The following FOXF2 variants were observed in gnomAD, a reference collection of about 807,000 sequenced individuals.
FOXF2 encodes forkhead box protein F2.
A neutral mutation model predicts 29.1 loss-of-function variants in FOXF2; 15 were observed. The observed-to-expected ratio is 0.52, with a 90% CI of 0.35 to 0.79. The LOEUF (loss-of-function observed/expected upper bound fraction) is 0.79. FOXF2 is among the 30% of genes least tolerant of loss of function. The pLI, the probability that FOXF2 is intolerant of heterozygous loss-of-function variation, is 0.01. For synonymous variants in FOXF2, 337 were observed against 316.5 expected (o/e 1.06, Z -0.69); for missense variants, 675 against 667.1 (o/e 1.01, Z -0.13).
chr6:1,390,150 C>G lies in FOXF2; in HGVS notation c.203C>G (p.Ala68Gly), dbSNP rs374633411. 4 of 1,456,872 alleles carry G rather than the reference C, an allele frequency of 2.7e-6. No homozygotes were observed. Among genetic ancestry groups the G allele is most frequent in the African/African-American group, 3.0e-5 (2 of 67,430 alleles). 90.2% of individuals were successfully genotyped at this position (1,456,872 alleles called of 1,614,324 possible). Reference sequence around the variant, plus strand: ...TCGTCCTCCTCCAATTCGGCCAGCGCCCCCTCGGCTGCCTGCAAGAGCGCG... The same window carrying G: ...TCGTCCTCCTCCAATTCGGCCAGCGGCCCCTCGGCTGCCTGCAAGAGCGCG... ...SSSSSSNSAS[A>G]PSAACKSAGG... The change falls in exon 1 of 2, where the codon GCC becomes GGC. Residue 68 changes from alanine to glycine, a missense_variant. Physicochemically the swap from Ala to Gly is moderately conservative, Grantham distance 60 (BLOSUM62 0). Coordinates refer to ENST00000645481, the MANE Select transcript of FOXF2 (RefSeq NM_001452.2). This position sits in a 1 kb window ranked among gnomAD's most constrained non-coding sequence, Gnocchi z 8.5.
At chr6:1,394,604 G>C in intron 1 of FOXF2, 92 bp from the exon 2 acceptor site, 1 of 1,236,682 alleles carries the variant, frequency 8.1e-7, no homozygotes, top group Non-Finnish European at 1.2e-6. Flanking sequence ...AGGCACAGCA[G>C]CACCTTTTGT....
chr6:1,391,352 T>C (rs1758785119), intron 1 of FOXF2, among the ~76,000 whole-genome samples: 2 of 152,252 alleles, frequency 1.3e-5, no homozygotes, highest in South Asian at 2.1e-4. Flanking sequence ...GTCTGGCTGC[T>C]GTGAGCGTGG....
rs1758781253 is a variant in FOXF2 at position 1,391,135 on chromosome 6, CAGCCCAGCCAGCTGG to C, written c.1171+18_1171+32del. 1 of 1,598,826 alleles carries C rather than the reference CAGCCCAGCCAGCTGG, an allele frequency of 6.3e-7. No homozygotes were observed. The highest frequency in any genetic ancestry group is 1.3e-5 in the African/African-American group (1 of 74,930). On this transcript the variant is annotated intron_variant, in intron 1 of 1. Transcript: ENST00000645481. Reference sequence around the variant, plus strand: ...ACCTCTCAGGTAACGCAGCACGCTCCAGCCCAGCCAGCTGGGCGCACCGCTTCTAGGCCTCCAGGG... The same window carrying C: ...ACCTCTCAGGTAACGCAGCACGCTCCGCGCACCGCTTCTAGGCCTCCAGGG...
chr6:1,391,399 C>T (rs1306086359), intron 1 of FOXF2, among the ~76,000 whole-genome samples: 5 of 152,250 alleles, frequency 3.3e-5, no homozygotes, highest in Non-Finnish European at 5.9e-5. Context: ...CTTTGGGGAT[C>T]CCTGTGCAGG....
intron 1 of FOXF2, among the ~76,000 whole-genome samples, chr6:1,392,037 T>TA (rs1758799117): frequency 6.6e-6 from 1 of 152,136 alleles, no homozygotes; most frequent in African/African-American, 2.4e-5. Flanking sequence ...GGCTGCAGAT[T>TA]AAAATCCCAT....
rs147119747 is a variant in FOXF2 at position 1,395,112 on chromosome 6, G to A, written c.*253G>A. On this transcript the variant is annotated 3_prime_UTR_variant, in exon 2 of 2. Coordinates refer to ENST00000645481, the MANE Select transcript of FOXF2 (RefSeq NM_001452.2). The stretch of plus-strand genomic sequence containing the variant: ...CACATGAGGGAGAGGGCAGACTCAG[G>A]TGGGAAGATGTGCCATGCGTAAGGC... 3.7e-6 allele frequency: 2 copies of A among 544,202 alleles called. No homozygotes were observed. The highest frequency in any genetic ancestry group is 6.6e-6 in the Non-Finnish European group (2 of 301,238). 33.7% of individuals were successfully genotyped at this position (544,202 alleles called of 1,614,324 possible). A position where few individuals can be genotyped will look rare whatever the true frequency, so the allele number is the denominator to read the frequency against.
chr6:1,390,343 G>T lies in FOXF2; in HGVS notation c.396G>T (p.Ala132=). Reference sequence around the variant, plus strand: ...GCGAGATCTACCAGTTCCTGCAGGCGCGCTTCCCCTTCTTCCGCGGCGCCT... The same window carrying T: ...GCGAGATCTACCAGTTCCTGCAGGCTCGCTTCCCCTTCTTCCGCGGCGCCT... The part of the protein sequence containing the change: ...TLSEIYQFLQ[A]RFPFFRGAYQ... The change falls in exon 1 of 2, where the codon GCG becomes GCT. Residue 132 remains alanine, a synonymous_variant. Coordinates refer to ENST00000645481, the MANE Select transcript of FOXF2 (RefSeq NM_001452.2). This position sits in a 1 kb window ranked among gnomAD's most constrained non-coding sequence, Gnocchi z 8.5. The T allele has an allele frequency of 6.2e-7, 1 of 1,613,244 alleles. No homozygotes were observed.
chr6:1,390,449 C>G lies in FOXF2; in HGVS notation c.502C>G (p.Pro168Ala). 2 of 1,611,928 alleles carry G rather than the reference C, an allele frequency of 1.2e-6. No homozygotes were observed. The highest frequency in any genetic ancestry group is 8.5e-7 in the Non-Finnish European group (1 of 1,179,920). ...CAAGCTGCCTAAGGGCCTCGGGCGG[C>G]CCGGCAAGGGCCACTACTGGACCAT... is the stretch of plus-strand genomic sequence containing the variant. ...FIKLPKGLGR[P>A]GKGHYWTIDP... Residue 168 changes from proline to alanine, a missense_variant, in exon 1 of 2, where the codon CCC (proline) becomes GCC (alanine). By Grantham distance (27) the Pro-to-Ala change is conservative (BLOSUM62 -1). Coordinates refer to ENST00000645481, the MANE Select transcript of FOXF2 (RefSeq NM_001452.2). This position sits in a 1 kb window ranked among gnomAD's most constrained non-coding sequence, Gnocchi z 8.5.
Position 1,394,684 on chromosome 6 carries a change from T to C in FOXF2, c.1172-12T>C, listed in dbSNP as rs373106857. 2.2e-5 allele frequency: 36 copies of C among 1,613,974 alleles called. No homozygotes were observed. Among genetic ancestry groups the C allele is most frequent in the African/African-American group, 2.7e-5 (2 of 74,918 alleles). ...TGTTTCTGAAGAGGTTTTTTTTTCT[T>C]TCTTCTTTCAGTGGGACTGCCCCGT... On this transcript the variant is annotated splice_polypyrimidine_tract_variant and intron_variant, in intron 1 of 1. Coordinates refer to ENST00000645481, the MANE Select transcript of FOXF2 (RefSeq NM_001452.2).
intron 1 of FOXF2, among the ~76,000 whole-genome samples, chr6:1,393,148 T>C (rs889950749): frequency 2.6e-5 from 4 of 151,942 alleles, no homozygotes; most frequent in African/African-American, 9.7e-5. Context: ...AGCACATGTC[T>C]ACGCGCACAC....
At position 1,391,140 on chromosome 6, in the gene FOXF2, C is replaced by T. The variant is rs769184638; in HGVS notation, c.1171+22C>T. On this transcript the variant is annotated intron_variant, in intron 1 of 1. Coordinates refer to ENST00000645481, the MANE Select transcript of FOXF2 (RefSeq NM_001452.2). ...TCAGGTAACGCAGCACGCTCCAGCCCAGCCAGCTGGGCGCACCGCTTCTAG... is the reference window on the plus strand; with the variant it reads ...TCAGGTAACGCAGCACGCTCCAGCCTAGCCAGCTGGGCGCACCGCTTCTAG... 4.4e-6 allele frequency: 7 copies of T among 1,598,580 alleles called. No individual in the cohort carries two copies. In the African/African-American group the frequency reaches 8.0e-5, roughly 18 times the overall value.
At position 1,390,225 on chromosome 6, in the gene FOXF2, C is replaced by T. The variant is rs758050275; in HGVS notation, c.278C>T (p.Ser93Leu). 1.2e-5 allele frequency: 19 copies of T among 1,586,520 alleles called. No homozygotes were observed. The highest frequency in any genetic ancestry group is 1.4e-5 in the African/African-American group (1 of 72,966). The change falls in exon 1 of 2, where the codon TCG (serine) becomes TTG (leucine). Residue 93 changes from serine to leucine, a missense_variant. Physicochemically the swap from Ser to Leu is moderately radical, Grantham distance 145. Around this residue, in one of 3 missense-constraint regions of FOXF2, gnomAD observed 220 missense variants for 205.5 expected, o/e 1.07. Transcript: ENST00000645481. This position sits in a 1 kb window ranked among gnomAD's most constrained non-coding sequence, Gnocchi z 8.5. ...AGCGGGGGCGCCAAGAAGGCGAGCT[C>T]GGGGCTGCGGCGGCCCGAGAAGCCG... is the stretch of plus-strand genomic sequence containing the variant. ...AGSGGAKKASSGLRRPEKPPY... is the reference protein window; with the variant it reads ...AGSGGAKKASLGLRRPEKPPY...
intron 1 of FOXF2, among the ~76,000 whole-genome samples, chr6:1,394,035 G>A (rs1758851118): frequency 1.3e-5 from 2 of 152,338 alleles, no homozygotes; most frequent in South Asian, 4.1e-4. Flanking sequence ...GCATTTCTCT[G>A]CGCCCTGAAG....
rs781297991 is a variant in FOXF2 at position 1,390,070 on chromosome 6, C to CG, written c.123_124insG (p.Pro42AlafsTer122). 5.7e-5 allele frequency: 79 copies of CG among 1,397,788 alleles called. 1 individual carries two copies. The highest frequency in any genetic ancestry group is 4.9e-4 in the Middle Eastern group (2 of 4,092). 86.6% of individuals were successfully genotyped at this position (1,397,788 alleles called of 1,614,324 possible). A position where few individuals can be genotyped will look rare whatever the true frequency, so the allele number is the denominator to read the frequency against. ...CCGCCGCCGCCGCCGCCGCCGCCGCCCCGGAGACCACCTCCTCCTCCTCGT... is the reference window on the plus strand; with the variant it reads ...CCGCCGCCGCCGCCGCCGCCGCCGCCGCCGGAGACCACCTCCTCCTCCTCGT... On this transcript the variant is annotated frameshift_variant, in exon 1 of 2. Transcript: ENST00000645481. LOFTEE classifies it high-confidence loss of function. This position sits in a 1 kb window ranked among gnomAD's most constrained non-coding sequence, Gnocchi z 8.5.
chr6:1,389,743 C>A lies in FOXF2; in HGVS notation c.-205C>A. ...TCGGGGAGGGATGCGCCGGGCGTTG[C>A]CTCCCGCCCGCCGCCGCCGCCGCCG... On this transcript the variant is annotated 5_prime_UTR_variant, in exon 1 of 2. Coordinates refer to ENST00000645481, the MANE Select transcript of FOXF2 (RefSeq NM_001452.2). 1 of 153,172 alleles carries A rather than the reference C, an allele frequency of 6.5e-6. No homozygotes were observed. Among genetic ancestry groups the A allele is most frequent in the Non-Finnish European group, 1.4e-5 (1 of 69,928 alleles). The allele number at this position is 153,172 out of a possible 1,614,324, so 9.5% of individuals were successfully genotyped here. A position where few individuals can be genotyped will look rare whatever the true frequency, so the allele number is the denominator to read the frequency against.
rs1282299944 is a variant in FOXF2 at position 1,390,749 on chromosome 6, C to T, written c.802C>T (p.His268Tyr). The T allele has an allele frequency of 5.7e-6, 8 of 1,410,186 alleles. No individual in the cohort carries two copies. Among genetic ancestry groups the T allele is most frequent in the Non-Finnish European group, 7.3e-6 (8 of 1,094,328 alleles). The allele number at this position is 1,410,186 out of a possible 1,614,324, so 87.4% of individuals were successfully genotyped here. ...GAPSHAHPHH[H>Y]HHHHVPHMSP... ...CCCCAGCCACGCGCACCCTCACCAC[C>T]ACCACCACCACCACGTCCCGCACAT... Residue 268 changes from histidine to tyrosine, a missense_variant, in exon 1 of 2, where the codon CAC becomes TAC. Transcript: ENST00000645481. This position sits in a 1 kb window ranked among gnomAD's most constrained non-coding sequence, Gnocchi z 8.5.
At position 1,390,319 on chromosome 6, in the gene FOXF2, C is replaced by T; in HGVS notation, c.372C>T (p.Ser124=). The change falls in exon 1 of 2, where the codon AGC becomes AGT. Residue 124 remains serine (S), a synonymous_variant. Transcript: ENST00000645481. This position sits in a 1 kb window ranked among gnomAD's most constrained non-coding sequence, Gnocchi z 8.5. ...QSSPSKRLTL[S]EIYQFLQARF... ...CGCCCAGCAAGCGCCTGACGCTCAG[C>T]GAGATCTACCAGTTCCTGCAGGCGC... The T allele has an allele frequency of 5.6e-6, 9 of 1,613,316 alleles. No homozygotes were observed. The highest frequency in any genetic ancestry group is 7.6e-6 in the Non-Finnish European group (9 of 1,179,932).
In FOXF2 at chr6:1,390,140, T is replaced by G. The variant is rs1312117808; in HGVS notation, c.193T>G (p.Ser65Ala). 6.9e-7 allele frequency: 1 copy of G among 1,441,740 alleles called. No homozygotes were observed. The highest frequency in any genetic ancestry group is 9.3e-7 in the Non-Finnish European group (1 of 1,080,204). 89.3% of individuals were successfully genotyped at this position (1,441,740 alleles called of 1,614,324 possible). Residue 65 changes from serine to alanine, a missense_variant, in exon 1 of 2, where the codon TCG (serine) becomes GCG (alanine). This residue lies in a region of FOXF2 where 220 missense variants were observed against 205.5 expected (regional missense o/e 1.07). Coordinates refer to ENST00000645481, the MANE Select transcript of FOXF2 (RefSeq NM_001452.2). The surrounding 1 kb of genome is among the most constrained non-coding windows in gnomAD (Gnocchi z 8.5). ...CGCCTCGTCCTCGTCCTCCTCCAAT[T>G]CGGCCAGCGCCCCCTCGGCTGCCTG... The part of the protein sequence containing the change: ...SCASSSSSSN[S>A]ASAPSAACKS...
intron 1 of FOXF2, among the ~76,000 whole-genome samples, chr6:1,392,436 A>T (rs867011930): frequency 1.1e-4 from 13 of 113,336 alleles, no homozygotes; most frequent in African/African-American, 2.7e-4. Flanking sequence ...GCTGTCAATC[A>T]CACACACACA....
Sources: gnomAD v4.1 joint callset for allele counts (sites outside exome capture counted in the v4.1 genomes callset) on GRCh38, gnomAD v4.1.1 for gene constraint, gnomAD v4.1.1 regional missense constraint, Gnocchi (gnomAD v3.1) non-coding constraint, MANE v1.5 for transcripts, NCBI Gene and HGNC (gene_info 2026-07-23, HGNC 2026-07-21) for gene names.